The following ITGA8 variants were observed in gnomAD, a reference collection of about 807,000 sequenced individuals.
ITGA8 encodes the protein integrin alpha-8.
ITGA8 carries 91 observed loss-of-function variants against 142.3 expected under a neutral mutation model. The observed-to-expected ratio is 0.64, with a 90% CI of 0.54 to 0.76. The LOEUF (loss-of-function observed/expected upper bound fraction) is 0.76, where lower values mean the gene tolerates loss of function less well. Ranked by LOEUF, ITGA8 falls within the 30% of genes least tolerant of loss-of-function variation. The pLI is 0.00. For synonymous variants in ITGA8, 505 were observed against 485.2 expected (o/e 1.04, Z -0.54); for missense variants, 1,406 against 1,327.7 (o/e 1.06, Z -0.92).
chr10:15,680,260 C>G (rs948474931), intron 4 of ITGA8, among the ~76,000 whole-genome samples: 1 of 120,964 alleles, frequency 8.3e-6, no homozygotes, highest in South Asian at 2.7e-4. Flanking sequence ...TGGAGTCTCC[C>G]TCTGTTGCCC....
At chr10:15,699,633 C>T (rs77836659) in intron 2 of ITGA8, among the ~76,000 whole-genome samples, 1 of 152,130 alleles carries the variant, frequency 6.6e-6, no homozygotes, top group Admixed American at 6.5e-5. Flanking sequence ...GAGCTCTGAA[C>T]ATTCATATAT....
chr10:15,596,398 G>A (rs1378777096), intron 21 of ITGA8: 1 of 152,064 alleles, frequency 6.6e-6, no homozygotes, highest in Admixed American at 6.6e-5. Flanking sequence ...TTGACTCACA[G>A]GGTTGTTTTG....
At chr10:15,544,643 T>A (rs1833635254) in intron 27 of ITGA8, among the ~76,000 whole-genome samples, 1 of 152,224 alleles carries the variant, frequency 6.6e-6, no homozygotes, top group South Asian at 2.1e-4. Context: ...ATTCAAGAGT[T>A]GGCTAACGAT....
At chr10:15,665,987 C>T (rs1010462600) in intron 8 of ITGA8, among the ~76,000 whole-genome samples, 1 of 152,218 alleles carries the variant, frequency 6.6e-6, no homozygotes, top group Non-Finnish European at 1.5e-5. Flanking sequence ...TTAGGATTGA[C>T]TTGGCGAAGC....
In ITGA8 at chr10:15,514,054, A is replaced by G. The variant is rs1438463634; in HGVS notation, c.*3104T>C. On this transcript the variant is annotated 3_prime_UTR_variant, in exon 30 of 30. Coordinates refer to ENST00000378076, the MANE Select transcript of ITGA8 (RefSeq NM_003638.3). ...TAAATAAAACAAGAGTCGAGTTCTA[A>G]GAATGCAGTTTCAGGGGTGACTAGT... 1 of 152,244 alleles carries G rather than the reference A, an allele frequency of 6.6e-6. No individual in the cohort carries two copies. The highest frequency in any genetic ancestry group is 1.5e-5 in the Non-Finnish European group (1 of 68,052). The allele number at this position is 152,244 out of a possible 1,614,324, so 9.4% of individuals were successfully genotyped here.
At position 15,683,300 on chromosome 10, in the gene ITGA8, TCCACCCACCCACCCAC is replaced by T. The variant is rs58724602; in HGVS notation, c.568+688_568+703del. On this transcript the variant is annotated intron_variant, in intron 4 of 29. Coordinates refer to ENST00000378076, the MANE Select transcript of ITGA8 (RefSeq NM_003638.3). ...ATCCATCCATCCATCCATCCACCCA[TCCACCCACCCACCCAC>T]CCACCCACCCACCCATCCATCCATC... Among the ~76,000 whole-genome samples the T allele has an allele frequency of 8.7e-4, 123 of 140,694 alleles. 2 individuals carry two copies. Among genetic ancestry groups the T allele is most frequent in the African/African-American group, 3.1e-3 (113 of 36,594 alleles). 92.3% of individuals were successfully genotyped at this position (140,694 alleles called of 152,430 possible). A position where few individuals can be genotyped will look rare whatever the true frequency, so the allele number is the denominator to read the frequency against.
chr10:15,631,561 TG>T (rs1449889197), intron 13 of ITGA8, among the ~76,000 whole-genome samples: 7 of 151,726 alleles, frequency 4.6e-5, no homozygotes, highest in Admixed American at 4.6e-4. Context: ...TACCGGGTCC[TG>T]TTGAGGGGTG....
Position 15,517,121 on chromosome 10 carries a change from C to G in ITGA8, c.*37G>C. 1 of 1,428,830 alleles carries G rather than the reference C, an allele frequency of 7.0e-7. No individual in the cohort carries two copies. The highest frequency in any genetic ancestry group is 1.2e-5 in the South Asian group (1 of 84,816). 88.5% of individuals were successfully genotyped at this position (1,428,830 alleles called of 1,614,324 possible). ...TTCTTTCTTTTTCTTTGAACAGGAC[C>G]AGTGTTTGAGGTCTTTGGTCTTCTT... On this transcript the variant is annotated 3_prime_UTR_variant, in exon 30 of 30. Transcript: ENST00000378076.
intron 2 of ITGA8, among the ~76,000 whole-genome samples, chr10:15,699,389 GAATA>G (rs1835116571): frequency 1.3e-5 from 2 of 152,178 alleles, no homozygotes; most frequent in African/African-American, 4.8e-5. Flanking sequence ...AAATATTCAT[GAATA>G]GATAGATGAC....
chr10:15,616,478 A>G (rs1342603788), intron 14 of ITGA8, 36 bp downstream of exon 14: 3 of 1,505,510 alleles, frequency 2.0e-6, no homozygotes, highest in Non-Finnish European at 2.8e-6. Context: ...TATTTGAAAC[A>G]ATGAGAAAAA....
At chr10:15,527,935 A>G (rs1158876845) in intron 28 of ITGA8, among the ~76,000 whole-genome samples, 2 of 24,454 alleles carry the variant, frequency 8.2e-5, no homozygotes, top group Non-Finnish European at 1.3e-4. Flanking sequence ...TTTTTTTTTG[A>G]GACAGGTTCT....
At chr10:15,671,007 A>G (rs1337377800) in intron 8 of ITGA8, among the ~76,000 whole-genome samples, 2 of 152,084 alleles carry the variant, frequency 1.3e-5, no homozygotes, top group Non-Finnish European at 2.9e-5. Flanking sequence ...TTCTTACTCT[A>G]TGTTTAGAAT....
Position 15,684,099 on chromosome 10 carries a change from G to T in ITGA8, c.473C>A (p.Thr158Asn). Reference sequence around the variant, plus strand: ...GTCCTTTTCTGGTGTCGGTTTAAGAGTTCTCCAGTGATATAAAGGAGCACA... The same window carrying T: ...GTCCTTTTCTGGTGTCGGTTTAAGATTTCTCCAGTGATATAAAGGAGCACA... ...VACAPLYHWR[T>N]LKPTPEKDPV... Residue 158 changes from threonine (T) to asparagine (N), a missense_variant, in exon 4 of 30, where the codon ACT becomes AAT. By Grantham distance (65) the Thr-to-Asn change is moderately conservative. Coordinates refer to ENST00000378076, the MANE Select transcript of ITGA8 (RefSeq NM_003638.3). 1.6e-5 allele frequency: 26 copies of T among 1,614,100 alleles called. No homozygotes were observed. Among genetic ancestry groups the T allele is most frequent in the Non-Finnish European group, 2.2e-5 (26 of 1,179,978 alleles).
At chr10:15,621,708 A>T (rs769039559) in intron 13 of ITGA8, among the ~76,000 whole-genome samples, 10 of 152,180 alleles carry the variant, frequency 6.6e-5, no homozygotes, top group Non-Finnish European at 1.3e-4. Flanking sequence ...ACAGTATCAG[A>T]TTAAAGAATC....
intron 1 of ITGA8, 56 bp downstream of exon 1, chr10:15,719,506 AC>A: frequency 6.9e-7 from 1 of 1,449,328 alleles, no homozygotes. Context: ...AGCCGCTGGG[AC>A]CTGACCCGGG....
At chr10:15,571,695 C>A (rs45447593) in intron 25 of ITGA8, among the ~76,000 whole-genome samples, 1 of 152,026 alleles carries the variant, frequency 6.6e-6, no homozygotes, top group Non-Finnish European at 1.5e-5. Flanking sequence ...TTGAAAAGCA[C>A]GGCTCTAGGC....
At position 15,548,551 on chromosome 10, in the gene ITGA8, C is replaced by G. The variant is rs1401418519; in HGVS notation, c.2784G>C (p.Glu928Asp). The G allele has an allele frequency of 1.9e-6, 3 of 1,610,750 alleles. No individual in the cohort carries two copies. The highest frequency in any genetic ancestry group is 2.7e-5 in the African/African-American group (2 of 74,640). ...PAKILNCTNI[E>D]CLQISCAVGR... Reference sequence around the variant, plus strand: ...CCACTGCACAGGAGATTTGTAAACACTCGATATTTGTACAATTCTGCAAAC... The same window carrying G: ...CCACTGCACAGGAGATTTGTAAACAGTCGATATTTGTACAATTCTGCAAAC... Residue 928 changes from glutamate to aspartate, a missense_variant, in exon 27 of 30, where the codon GAG becomes GAC. By Grantham distance (45) the Glu-to-Asp change is conservative. Coordinates refer to ENST00000378076, the MANE Select transcript of ITGA8 (RefSeq NM_003638.3).
chr10:15,651,332 G>A (rs1564392510), intron 11 of ITGA8, among the ~76,000 whole-genome samples: 1 of 152,100 alleles, frequency 6.6e-6, no homozygotes. Context: ...TTGAGATAAC[G>A]AAACTGAAGA....
intron 2 of ITGA8, among the ~76,000 whole-genome samples, chr10:15,714,769 T>C (rs1835420914): frequency 6.6e-6 from 1 of 152,146 alleles, no homozygotes; most frequent in Non-Finnish European, 1.5e-5. Flanking sequence ...AGGAACAGGA[T>C]CTCAACTGGA....
Sources: gnomAD v4.1 joint callset for allele counts (sites outside exome capture counted in the v4.1 genomes callset) on GRCh38, gnomAD v4.1.1 for gene constraint, MANE v1.5 for transcripts, NCBI Gene and HGNC (gene_info 2026-07-23, HGNC 2026-07-21) for gene names.